ERVV-2: variants seen among roughly 807,000 people sequenced by gnomAD.
ERVV-2 encodes endogenous retrovirus group V member 2, envelope.
For synonymous variants in ERVV-2, 105 were observed against 184.6 expected, an observed-to-expected ratio of 0.57 and a Z score of 3.49; for missense variants, 291 against 495.1, an observed-to-expected ratio of 0.59 and a Z score of 3.91.
chr19:53,050,879 A>T lies in ERVV-2; in HGVS notation c.*20A>T. On this transcript the variant is annotated 3_prime_UTR_variant, in exon 2 of 2. Transcript: ENST00000601417. Reference sequence around the variant, plus strand: ...CTCTGAGACAGAGCAAGAGAGGGAGACCCTGATGACTTCTTCGCCCCATGT... The same window carrying T: ...CTCTGAGACAGAGCAAGAGAGGGAGTCCCTGATGACTTCTTCGCCCCATGT... The T allele has an allele frequency of 6.7e-7, 1 of 1,491,972 alleles. No homozygotes were observed. Among genetic ancestry groups the T allele is most frequent in the Non-Finnish European group, 8.9e-7 (1 of 1,128,310 alleles). The allele number at this position is 1,491,972 out of a possible 1,614,324, so 92.4% of individuals were successfully genotyped here.
Position 53,051,627 on chromosome 19 carries a change from G to T in ERVV-2, c.*768G>T, listed in dbSNP as rs1472457796. On this transcript the variant is annotated 3_prime_UTR_variant, in exon 2 of 2. Coordinates refer to ENST00000601417, the MANE Select transcript of ERVV-2 (RefSeq NM_001191055.2). ...CATAAAAACTAAGGCACTAGCAGCT[G>T]GCTCATTCTTCTGATGTCCTCTCTT... 6.6e-6 allele frequency among the ~76,000 whole-genome samples: 1 copy of T among 152,062 alleles called. No homozygotes were observed. Among genetic ancestry groups the T allele is most frequent in the Non-Finnish European group, 1.5e-5 (1 of 68,028 alleles).
In ERVV-2 at chr19:53,044,753, T is replaced by TC. The variant is rs2145383740; in HGVS notation, c.-590dup. ...ATAAGTAAGGACAGACTCCTTCTTT[T>TC]CAGGAGCCCACTCGGTTCTGTCGTT... On this transcript the variant is annotated 5_prime_UTR_variant, in exon 1 of 2. Transcript: ENST00000601417. 6.6e-6 allele frequency: 1 copy of TC among 152,248 alleles called. No homozygotes were observed. Among genetic ancestry groups the TC allele is most frequent in the Non-Finnish European group, 1.5e-5 (1 of 68,054 alleles). 9.4% of individuals were successfully genotyped at this position (152,248 alleles called of 1,614,324 possible).
Position 53,050,787 on chromosome 19 carries a change from C to G in ERVV-2, c.1536C>G (p.Thr512=). 1 of 1,536,090 alleles carries G rather than the reference C, an allele frequency of 6.5e-7. No individual in the cohort carries two copies. Among genetic ancestry groups the G allele is most frequent in the Non-Finnish European group, 8.7e-7 (1 of 1,146,916 alleles). Residue 512 remains threonine (T), a synonymous_variant, in exon 2 of 2, where the codon ACC becomes ACG. Coordinates refer to ENST00000601417, the MANE Select transcript of ERVV-2 (RefSeq NM_001191055.2). ...TATCTGTCATTGGAGGCCCCAGCAC[C>G]TATAAGCACATCTCCCCCTTGGATG... The part of the protein sequence containing the change: ...YQLSVIGGPS[T]YKHISPLDAS...
At chr19:53,047,747 C>G (rs770007475) in intron 1 of ERVV-2, among the ~76,000 whole-genome samples, 1 of 152,204 alleles carries the variant, frequency 6.6e-6, no homozygotes, top group African/African-American at 2.4e-5. Flanking sequence ...CCTGCATTCT[C>G]TCTTGTCTTG....
Position 53,050,665 on chromosome 19 carries a change from CT to C in ERVV-2, c.1415del (p.Leu472ProfsTer10). 1.3e-6 allele frequency: 2 copies of C among 1,493,968 alleles called. No homozygotes were observed. Among genetic ancestry groups the C allele is most frequent in the Non-Finnish European group, 1.8e-6 (2 of 1,108,740 alleles). 92.5% of individuals were successfully genotyped at this position (1,493,968 alleles called of 1,614,324 possible). ...GPATVILLLF[L>X]FGPCFFNLLI... ...AGCAACAGTTATACTCTTACTTTTCCTCTTTGGCCCTTGTTTCTTTAATTTA... is the reference window on the plus strand; with the variant it reads ...AGCAACAGTTATACTCTTACTTTTCCCTTTGGCCCTTGTTTCTTTAATTTA... On this transcript the variant is annotated frameshift_variant, in exon 2 of 2. Coordinates refer to ENST00000601417, the MANE Select transcript of ERVV-2 (RefSeq NM_001191055.2). LOFTEE classifies it low-confidence loss of function (END_TRUNC).
chr19:53,050,945 A>G lies in ERVV-2; in HGVS notation c.*86A>G, dbSNP rs1330512964. 9 of 1,288,386 alleles carry G rather than the reference A, an allele frequency of 7.0e-6. No individual in the cohort carries two copies. Among genetic ancestry groups the G allele is most frequent in the Non-Finnish European group, 9.3e-6 (9 of 965,580 alleles). 79.8% of individuals were successfully genotyped at this position (1,288,386 alleles called of 1,614,324 possible). A position where few individuals can be genotyped will look rare whatever the true frequency, so the allele number is the denominator to read the frequency against. On this transcript the variant is annotated 3_prime_UTR_variant, in exon 2 of 2. Transcript: ENST00000601417. ...ACAGAAGACCCACGACGTCCTTACA[A>G]CCAGAGCTTTTCAGGGTCTCCATCT...
chr19:53,050,788 T>C lies in ERVV-2; in HGVS notation c.1537T>C (p.Tyr513His), dbSNP rs1319234884. 3 of 1,536,088 alleles carry C rather than the reference T, an allele frequency of 2.0e-6. No individual in the cohort carries two copies. The highest frequency in any genetic ancestry group is 2.6e-6 in the Non-Finnish European group (3 of 1,146,922). Residue 513 changes from tyrosine to histidine, a missense_variant, in exon 2 of 2, where the codon TAT (tyrosine) becomes CAT (histidine). By Grantham distance (83) the Tyr-to-His change is moderately conservative (BLOSUM62 2). Transcript: ENST00000601417. ...QLSVIGGPST[Y>H]KHISPLDASG... Reference sequence around the variant, plus strand: ...ATCTGTCATTGGAGGCCCCAGCACCTATAAGCACATCTCCCCCTTGGATGC... The same window carrying C: ...ATCTGTCATTGGAGGCCCCAGCACCCATAAGCACATCTCCCCCTTGGATGC...
Position 53,049,544 on chromosome 19 carries a change from G to C in ERVV-2, c.293G>C (p.Cys98Ser), listed in dbSNP as rs1397267566. ...GCTAACTCAGCGCACCAAGTCCCCT[G>C]CCTGGATCTCACTCCACCTTTCAAT... ...SLANSAHQVP[C>S]LDLTPPFNQS... The change falls in exon 2 of 2, where the codon TGC becomes TCC. Residue 98 changes from cysteine (C) to serine (S), a missense_variant. Coordinates refer to ENST00000601417, the MANE Select transcript of ERVV-2 (RefSeq NM_001191055.2). 1.6e-6 allele frequency: 1 copy of C among 628,766 alleles called. No homozygotes were observed. Among genetic ancestry groups the C allele is most frequent in the Admixed American group, 3.6e-5 (1 of 27,920 alleles). 38.9% of individuals were successfully genotyped at this position (628,766 alleles called of 1,614,324 possible). A position where few individuals can be genotyped will look rare whatever the true frequency, so the allele number is the denominator to read the frequency against.
chr19:53,048,969 G>A lies in ERVV-2; in HGVS notation c.-283G>A. On this transcript the variant is annotated 5_prime_UTR_variant, in exon 2 of 2. Coordinates refer to ENST00000601417, the MANE Select transcript of ERVV-2 (RefSeq NM_001191055.2). ...AAGAACAACAGAATTCAGCACCTGAGCATTCTTGTGAGCCACTGGAGAACT... is the reference window on the plus strand; with the variant it reads ...AAGAACAACAGAATTCAGCACCTGAACATTCTTGTGAGCCACTGGAGAACT... The A allele has an allele frequency of 1.7e-6, 1 of 574,828 alleles. No individual in the cohort carries two copies. Among genetic ancestry groups the A allele is most frequent in the Non-Finnish European group, 3.1e-6 (1 of 326,192 alleles). 35.6% of individuals were successfully genotyped at this position (574,828 alleles called of 1,614,324 possible).
chr19:53,048,257 T>C (rs1650987), intron 1 of ERVV-2, among the ~76,000 whole-genome samples: 80,156 of 151,116 alleles, frequency 0.53, 19,324 homozygotes, highest in Admixed American at 0.6. Context: ...ACCTGTAATC[T>C]CAGCTACTCG....
At chr19:53,045,058 A>T (rs373151127) in intron 1 of ERVV-2, 100 bp downstream of exon 1, 2 of 152,400 alleles carry the variant, frequency 1.3e-5, no homozygotes. Context: ...GGCAGCTTTA[A>T]GGGGAGGGGT....
Position 53,047,420 on chromosome 19 carries a change from C to G in ERVV-2, c.-385-1447C>G, listed in dbSNP as rs138120416. On this transcript the variant is annotated intron_variant, in intron 1 of 1. Transcript: ENST00000601417. ...ACAACTACTGGGCTTCCTGCAGAAC[C>G]AAGGTCACTGGGAACATGAGAGAAG... 5.3e-5 allele frequency among the ~76,000 whole-genome samples: 8 copies of G among 152,288 alleles called. No individual in the cohort carries two copies. In the East Asian group the frequency reaches 1.4e-3, roughly 26 times the overall value.
At chr19:53,045,302 A>AT (rs928688769) in intron 1 of ERVV-2, among the ~76,000 whole-genome samples, 16 of 137,578 alleles carry the variant, frequency 1.2e-4, no homozygotes, top group East Asian at 2.1e-4. Context: ...GGAGCTTCAT[A>AT]TTTTTTTTTG....
rs1340955007 is a variant in ERVV-2, at chr19:53,050,595, G to T, written c.1344G>T (p.Lys448Asn). The T allele has an allele frequency of 3.9e-6, 4 of 1,023,450 alleles. No homozygotes were observed. The highest frequency in any genetic ancestry group is 4.0e-5 in the Admixed American group (2 of 50,318). The allele number at this position is 1,023,450 out of a possible 1,614,324, so 63.4% of individuals were successfully genotyped here. ...ASARAIWEAV[K>N]SALPSLNWFV... Reference sequence around the variant, plus strand: ...CAAGGGCCATCTGGGAGGCTGTGAAGTCTGCCCTCCCCTCCCTCAACTGGT... The same window carrying T: ...CAAGGGCCATCTGGGAGGCTGTGAATTCTGCCCTCCCCTCCCTCAACTGGT... The change falls in exon 2 of 2, where the codon AAG (lysine) becomes AAT (asparagine). Residue 448 changes from lysine (K) to asparagine (N), a missense_variant. Coordinates refer to ENST00000601417, the MANE Select transcript of ERVV-2 (RefSeq NM_001191055.2).
chr19:53,048,952 C>T lies in ERVV-2; in HGVS notation c.-300C>T, dbSNP rs1315273460. 3.7e-6 allele frequency: 2 copies of T among 546,196 alleles called. No homozygotes were observed. The highest frequency in any genetic ancestry group is 6.4e-5 in the Admixed American group (2 of 31,102). The allele number at this position is 546,196 out of a possible 1,614,324, so 33.8% of individuals were successfully genotyped here. A position where few individuals can be genotyped will look rare whatever the true frequency, so the allele number is the denominator to read the frequency against. On this transcript the variant is annotated 5_prime_UTR_variant, in exon 2 of 2. An upstream open reading frame in the 5' UTR gains an earlier in-frame stop. Transcript: ENST00000601417. ...GTCCCGAAGAACCACAGAAGAACAA[C>T]AGAATTCAGCACCTGAGCATTCTTG...
chr19:53,049,954 C>T lies in ERVV-2; in HGVS notation c.703C>T (p.Gln235Ter). 2 of 1,518,454 alleles carry T rather than the reference C, an allele frequency of 1.3e-6. No homozygotes were observed. The highest frequency in any genetic ancestry group is 1.8e-6 in the Non-Finnish European group (2 of 1,136,992). 94.1% of individuals were successfully genotyped at this position (1,518,454 alleles called of 1,614,324 possible). A position where few individuals can be genotyped will look rare whatever the true frequency, so the allele number is the denominator to read the frequency against. ...NQTIPAGWKSQLHKWFDSHIP... is the reference protein window; with the variant it reads ...NQTIPAGWKS ...AACTATTCCAGCAGGGTGGAAATCG[C>T]AGTTACACAAGTGGTTCGACAGCCA... is the stretch of plus-strand genomic sequence containing the variant. Residue 235 changes from glutamine (Q) to a stop codon, truncating the protein, a stop_gained, in exon 2 of 2, where the codon CAG (glutamine) becomes TAG (stop). Coordinates refer to ENST00000601417, the MANE Select transcript of ERVV-2 (RefSeq NM_001191055.2). LOFTEE classifies it low-confidence loss of function (END_TRUNC).
At chr19:53,047,017 G>A (rs1013348730) in intron 1 of ERVV-2, among the ~76,000 whole-genome samples, 2 of 152,100 alleles carry the variant, frequency 1.3e-5, no homozygotes, top group African/African-American at 4.8e-5. Flanking sequence ...AAATTAGCCG[G>A]GCCTGGTGGC....
At chr19:53,047,916 T>C (rs1226083502) in intron 1 of ERVV-2, among the ~76,000 whole-genome samples, 1 of 152,184 alleles carries the variant, frequency 6.6e-6, no homozygotes, top group Non-Finnish European at 1.5e-5. Context: ...GTTAATACCA[T>C]ATTCCAGCTT....
At chr19:53,047,626 G>A (rs1202022700) in intron 1 of ERVV-2, among the ~76,000 whole-genome samples, 1 of 152,226 alleles carries the variant, frequency 6.6e-6, no homozygotes, top group Non-Finnish European at 1.5e-5. Context: ...GCTCCAAGGT[G>A]AAGGACACTT....
Sources: allele counts gnomAD v4.1 joint callset (sites outside exome capture counted in the v4.1 genomes callset), GRCh38; gene constraint gnomAD v4.1.1; transcripts MANE v1.5; gene names NCBI Gene and HGNC (gene_info 2026-07-23, HGNC 2026-07-21).